Variants in RGMA observed in about 807,000 individuals in gnomAD.
RGMA encodes the protein repulsive guidance molecule BMP co-receptor a.
Under a neutral mutation model 23.2 loss-of-function variants are expected in RGMA, and 10 were observed. The ratio of observed to expected loss-of-function variants is 0.43; its 90% CI spans 0.27 to 0.73. The LOEUF (loss-of-function observed/expected upper bound fraction) is 0.73. Ranked by LOEUF, RGMA falls within the 30% of genes least tolerant of loss-of-function variation. The pLI, the probability that RGMA is intolerant of heterozygous loss-of-function variation, is 0.20. For missense variants in RGMA, 547 were observed against 630.5 expected (o/e 0.87, Z 1.42); for synonymous variants, 308 against 279.3 (o/e 1.10, Z -1.03).
intron 3 of RGMA, among the ~76,000 whole-genome samples, chr15:93,048,085 C>T (rs1353649271): frequency 2.6e-5 from 4 of 152,092 alleles, no homozygotes; most frequent in South Asian, 2.1e-4. Context: ...TGCTAAGAGG[C>T]CTGAGGCCTG....
chr15:93,071,762 C>T (rs1895330906), intron 2 of RGMA, among the ~76,000 whole-genome samples: 1 of 152,244 alleles, frequency 6.6e-6, no homozygotes, highest in African/African-American at 2.4e-5. Flanking sequence ...ATCAAAATAA[C>T]CCAATCCGAG....
At chr15:93,066,601 T>A (rs750806699) in intron 2 of RGMA, 42 of 456,006 alleles carry the variant, frequency 9.2e-5, no homozygotes, top group Non-Finnish European at 1.6e-4. Context: ...ACCCCGGGCA[T>A]CGTCGCCGTG....
In RGMA at chr15:93,052,217, T is replaced by G. The variant is rs751563947; in HGVS notation, c.421A>C (p.Ser141Arg). 1.1e-5 allele frequency: 17 copies of G among 1,609,104 alleles called. No homozygotes were observed. In the Admixed American group the frequency reaches 2.8e-4, roughly 27 times the overall value. ...PAGDSQERSD[S>R]PEICHYEKSF... ...TTCTCGTAATGGCAGATCTCGGGGC[T>G]GTCCGAGCGCTCCTGGCTGTCTCCG... is the stretch of plus-strand genomic sequence containing the variant. The change falls in exon 3 of 4, where the codon AGC becomes CGC. Residue 141 changes from serine (S) to arginine (R), a missense_variant. Around this residue, in one of 3 missense-constraint regions of RGMA, gnomAD observed 214 missense variants for 234.7 expected, o/e 0.91. Transcript: ENST00000329082.
intron 2 of RGMA, among the ~76,000 whole-genome samples, chr15:93,067,044 G>C (rs1005442048): frequency 6.6e-6 from 1 of 152,202 alleles, no homozygotes; most frequent in African/African-American, 2.4e-5. Context: ...AACCAAAAGA[G>C]CTTTAAAAAT....
chr15:93,056,993 C>T lies in RGMA; in HGVS notation c.131-4486G>A, dbSNP rs565106995. Among the ~76,000 whole-genome samples the T allele has an allele frequency of 2.0e-5, 3 of 152,230 alleles. No homozygotes were observed. The South Asian group carries it at 6.2e-4, about 32-fold the overall frequency. On this transcript the variant is annotated intron_variant, in intron 2 of 3. Transcript: ENST00000329082. ...GGAGGGGCATTGGAGGGAGCCTGCCCCTCCCTGGTGAAGCTCCAGCAGATG... is the reference window on the plus strand; with the variant it reads ...GGAGGGGCATTGGAGGGAGCCTGCCTCTCCCTGGTGAAGCTCCAGCAGATG...
chr15:93,048,478 A>G (rs1389917286), intron 3 of RGMA, among the ~76,000 whole-genome samples: 3 of 152,126 alleles, frequency 2.0e-5, no homozygotes, highest in Non-Finnish European at 4.4e-5. Context: ...GAGTCCATGC[A>G]GCAGCACCAG....
rs559566838 is a variant in RGMA at position 93,045,050 on chromosome 15, G to A, written c.1301C>T (p.Pro434Leu). 10 of 1,577,902 alleles carry A rather than the reference G, an allele frequency of 6.3e-6. 1 individual carries two copies. The African/African-American group carries it at 1.1e-4, about 17-fold the overall frequency. Residue 434 changes from proline (P) to leucine (L), a missense_variant, in exon 4 of 4, where the codon CCC becomes CTC. By Grantham distance (98) the Pro-to-Leu change is moderately conservative. Transcript: ENST00000329082. This position sits in a 1 kb window ranked among gnomAD's most constrained non-coding sequence, Gnocchi z 6.9. ...GAGCGGGACGAGGGCGCCCAGGAGGGGCCGGGGGGCCAGGGGCAGCCCCGC... is the reference window on the plus strand; with the variant it reads ...GAGCGGGACGAGGGCGCCCAGGAGGAGCCGGGGGGCCAGGGGCAGCCCCGC... ...AAAGLPLAPR[P>L]LLGALVPLLA... is the part of the protein sequence containing the mutation.
chr15:93,045,787 A>G lies in RGMA; in HGVS notation c.646-82T>C. The G allele has an allele frequency of 9.7e-7, 1 of 1,035,470 alleles. No homozygotes were observed. Among genetic ancestry groups the G allele is most frequent in the South Asian group, 1.4e-5 (1 of 69,770 alleles). The allele number at this position is 1,035,470 out of a possible 1,614,324, so 64.1% of individuals were successfully genotyped here. A position where few individuals can be genotyped will look rare whatever the true frequency, so the allele number is the denominator to read the frequency against. On this transcript the variant is annotated intron_variant, in intron 3 of 3. Transcript: ENST00000329082. This position sits in a 1 kb window ranked among gnomAD's most constrained non-coding sequence, Gnocchi z 6.9. ...CCCACACTTAAGATGCTCTAGACTG[A>G]GAGGAGGGCAGGAAGGATCCCCAGG...
chr15:93,048,917 C>A (rs1376276247), intron 3 of RGMA, among the ~76,000 whole-genome samples: 4 of 151,712 alleles, frequency 2.6e-5, no homozygotes, highest in Non-Finnish European at 4.4e-5. Flanking sequence ...GGGGGGGCGG[C>A]GTCCTGCTTT....
intron 3 of RGMA, 157 bp downstream of exon 3, chr15:93,051,836 A>G: frequency 2.7e-6 from 2 of 751,568 alleles, no homozygotes; most frequent in East Asian, 5.4e-5. Flanking sequence ...GCTGAGACCC[A>G]CCCCCTTGGG....
At chr15:93,061,426 C>T (rs797017275) in intron 2 of RGMA, among the ~76,000 whole-genome samples, 41 of 152,274 alleles carry the variant, frequency 2.7e-4, no homozygotes, top group East Asian at 1.2e-3. Flanking sequence ...CTGGGATTAC[C>T]GGCATGAGCC....
In RGMA at chr15:93,043,886, G is replaced by C. The variant is rs2054767023; in HGVS notation, c.*1112C>G. ...TGCTGTGGGCACAGCAGCACAGGTG[G>C]GACTGTTCTGGGCCCCTGGATGAGC... On this transcript the variant is annotated 3_prime_UTR_variant, in exon 4 of 4. Coordinates refer to ENST00000329082, the MANE Select transcript of RGMA (RefSeq NM_020211.3). The C allele has an allele frequency of 6.6e-6, 1 of 152,372 alleles. No homozygotes were observed. Among genetic ancestry groups the C allele is most frequent in the South Asian group, 2.1e-4 (1 of 4,832 alleles). 9.4% of individuals were successfully genotyped at this position (152,372 alleles called of 1,614,324 possible).
At chr15:93,086,013 C>A (rs1161333773) in intron 1 of RGMA, among the ~76,000 whole-genome samples, 1 of 152,212 alleles carries the variant, frequency 6.6e-6, no homozygotes, top group Non-Finnish European at 1.5e-5. Flanking sequence ...GAGGCTGAAA[C>A]TGAGCAGTCA....
Position 93,044,085 on chromosome 15 carries a change from G to C in RGMA, c.*913C>G, listed in dbSNP as rs1043091956. 1.3e-5 allele frequency: 2 copies of C among 152,436 alleles called. No homozygotes were observed. The highest frequency in any genetic ancestry group is 4.8e-5 in the African/African-American group (2 of 41,462). The allele number at this position is 152,436 out of a possible 1,614,324, so 9.4% of individuals were successfully genotyped here. On this transcript the variant is annotated 3_prime_UTR_variant, in exon 4 of 4. Coordinates refer to ENST00000329082, the MANE Select transcript of RGMA (RefSeq NM_020211.3). ...CAGACGTGGATGGACCGGGCTGGGG[G>C]CTCTTGGGGTTGTGAGGAGGAAGCA...
At chr15:93,066,385 T>C in intron 2 of RGMA, 9 of 664,468 alleles carry the variant, frequency 1.4e-5, no homozygotes, top group Non-Finnish European at 2.0e-5. Context: ...TTCGCGTGAC[T>C]CCAGGTGGGG....
intron 1 of RGMA, among the ~76,000 whole-genome samples, chr15:93,074,318 C>G (rs1489137789): frequency 3.3e-5 from 5 of 152,214 alleles, no homozygotes; most frequent in Non-Finnish European, 7.3e-5. Flanking sequence ...TTGTGCAAGG[C>G]TGCAGGGCTG....
At chr15:93,057,491 C>G (rs990154704) in intron 2 of RGMA, among the ~76,000 whole-genome samples, 1 of 152,188 alleles carries the variant, frequency 6.6e-6, no homozygotes, top group African/African-American at 2.4e-5. Context: ...GAGGAGGGCC[C>G]TCTCTCTAGA....
chr15:93,051,893 C>A lies in RGMA; in HGVS notation c.645+100G>T, dbSNP rs59619993. 11,052 of 1,282,150 alleles carry A rather than the reference C, an allele frequency of 8.6e-3. 765 individuals are homozygous for A. In the African/African-American group the frequency reaches 0.14, roughly 17 times the overall value. 79.4% of individuals were successfully genotyped at this position (1,282,150 alleles called of 1,614,324 possible). A position where few individuals can be genotyped will look rare whatever the true frequency, so the allele number is the denominator to read the frequency against. On this transcript the variant is annotated intron_variant, in intron 3 of 3. Coordinates refer to ENST00000329082, the MANE Select transcript of RGMA (RefSeq NM_020211.3). ...GTGTCCCCGCTCCGCTCCGTCTTCC[C>A]CCATTCCCAGGCACCCGAGGCCCTC...
intron 2 of RGMA, among the ~76,000 whole-genome samples, chr15:93,072,103 C>T (rs962272620): frequency 3.9e-5 from 6 of 152,004 alleles, no homozygotes; most frequent in Admixed American, 6.5e-5. Context: ...TGCATGCCTC[C>T]CCCCTCCCCC....
Sources: allele counts gnomAD v4.1 joint callset (sites outside exome capture counted in the v4.1 genomes callset), GRCh38; gene constraint gnomAD v4.1.1; regional missense constraint gnomAD v4.1.1; non-coding constraint Gnocchi (gnomAD v3.1); transcripts MANE v1.5; gene names NCBI Gene and HGNC (gene_info 2026-07-23, HGNC 2026-07-21).